The following SMYD1 variants were observed in gnomAD, a reference collection of about 807,000 sequenced individuals.
SMYD1 encodes SET and MYND domain containing 1.
A neutral mutation model predicts 54.0 loss-of-function variants in SMYD1; 49 were observed. The ratio of observed to expected loss-of-function variants is 0.91; its 90% CI spans 0.72 to 1.15. SMYD1 has a LOEUF of 1.15. SMYD1 is among the 50% of genes most tolerant of loss of function. The pLI is 0.00. For missense variants in SMYD1, 653 were observed against 639.6 expected (o/e 1.02, Z -0.23); for synonymous variants, 269 against 234.2 (o/e 1.15, Z -1.36).
In SMYD1 at chr2:88,088,088, C is replaced by T. The variant is rs375712800; in HGVS notation, c.528+13C>T. On this transcript the variant is annotated intron_variant, in intron 3 of 9. Transcript: ENST00000419482. ...CATCTTCGGAGTGGTAGGCCCCCTGCGTCCCTTCTCCATCCTCCCTGTCTG... is the reference window on the plus strand; with the variant it reads ...CATCTTCGGAGTGGTAGGCCCCCTGTGTCCCTTCTCCATCCTCCCTGTCTG... 8.7e-6 allele frequency: 14 copies of T among 1,600,096 alleles called. No individual in the cohort carries two copies. Among genetic ancestry groups the T allele is most frequent in the African/African-American group, 2.7e-5 (2 of 74,718 alleles).
intron 2 of SMYD1, among the ~76,000 whole-genome samples, chr2:88,087,135 T>TTACTTCAC (rs949429817): frequency 5.3e-5 from 8 of 150,744 alleles, no homozygotes; most frequent in Non-Finnish European, 8.9e-5. Context: ...CAGACACCTA[T>TTACTTCAC]TACTTCACTT....
At chr2:88,090,761 T>C (rs1184271097) in intron 3 of SMYD1, among the ~76,000 whole-genome samples, 1 of 152,214 alleles carries the variant, frequency 6.6e-6, no homozygotes, top group Non-Finnish European at 1.5e-5. Context: ...TTTGACTCTT[T>C]TAGAATAGAG....
chr2:88,096,792 C>A lies in SMYD1; in HGVS notation c.888+8C>A. ...GTGAAAGACAACCCCAAGGTACACA[C>A]AGCCCTGCTGCTGAGGTGTTTGTGT... is the stretch of plus-strand genomic sequence containing the variant. On this transcript the variant is annotated splice_region_variant and intron_variant, in intron 6 of 9. Coordinates refer to ENST00000419482, the MANE Select transcript of SMYD1 (RefSeq NM_198274.4). 1.2e-6 allele frequency: 2 copies of A among 1,610,054 alleles called. No homozygotes were observed. Among genetic ancestry groups the A allele is most frequent in the Non-Finnish European group, 1.7e-6 (2 of 1,178,132 alleles).
chr2:88,097,828 C>CACCCATGTGCAT (rs1380916076), intron 6 of SMYD1, among the ~76,000 whole-genome samples: 1 of 152,006 alleles, frequency 6.6e-6, no homozygotes, highest in Non-Finnish European at 1.5e-5. Flanking sequence ...CACACATGCA[C>CACCCATGTGCAT]ACCCATGTGC....
chr2:88,068,410 C>T (rs75721324), intron 1 of SMYD1, among the ~76,000 whole-genome samples: 7,166 of 152,118 alleles, frequency 0.047, 251 homozygotes, highest in Non-Finnish European at 0.068. Context: ...AAATTATGAA[C>T]TATTTGTATA....
chr2:88,091,153 C>T lies in SMYD1; in HGVS notation c.659+11C>T, dbSNP rs749063112. 5 of 1,612,766 alleles carry T rather than the reference C, an allele frequency of 3.1e-6. No homozygotes were observed. Among genetic ancestry groups the T allele is most frequent in the Admixed American group, 1.7e-5 (1 of 59,934 alleles). ...ATTTAACAATGGCAAGTGAGTATGT[C>T]TTTATGTGGGGGTGTGTGTGAAGGG... On this transcript the variant is annotated intron_variant, in intron 4 of 9. Coordinates refer to ENST00000419482, the MANE Select transcript of SMYD1 (RefSeq NM_198274.4).
chr2:88,095,679 G>A (rs1384671215), intron 5 of SMYD1, among the ~76,000 whole-genome samples: 1 of 152,184 alleles, frequency 6.6e-6, no homozygotes, highest in Non-Finnish European at 1.5e-5. Flanking sequence ...CAGGATTCTG[G>A]GGAGATACAG....
At chr2:88,105,374 T>TACACACACACACACAC (rs368510507) in intron 7 of SMYD1, among the ~76,000 whole-genome samples, 18 of 146,740 alleles carry the variant, frequency 1.2e-4, no homozygotes, top group African/African-American at 4.6e-4. Context: ...TGCGCATGCA[T>TACACACACACACACAC]ATATACACAC....
At chr2:88,080,961 G>A (rs1674175921) in intron 1 of SMYD1, among the ~76,000 whole-genome samples, 1 of 150,566 alleles carries the variant, frequency 6.6e-6, no homozygotes, top group Admixed American at 6.6e-5. Flanking sequence ...GGAGTGCAGT[G>A]GTACAATCTT....
intron 1 of SMYD1, among the ~76,000 whole-genome samples, chr2:88,071,647 A>G (rs959984947): frequency 4.6e-5 from 7 of 152,162 alleles, no homozygotes; most frequent in Non-Finnish European, 8.8e-5. Context: ...ATCAATGAGA[A>G]CTAGCATTTA....
Position 88,108,381 on chromosome 2 carries a change from C to T in SMYD1, c.1156C>T (p.His386Tyr). The change falls in exon 9 of 10, where the codon CAC becomes TAC. Residue 386 changes from histidine to tyrosine, a missense_variant. By Grantham distance (83) the His-to-Tyr change is moderately conservative (BLOSUM62 2). Coordinates refer to ENST00000419482, the MANE Select transcript of SMYD1 (RefSeq NM_198274.4). ...GCTATGCTCCCACAGGAAGCTCTAC[C>T]ACCCCAACAATGCCCAACTGGGCAT... ...RMVDGYMKLY[H>Y]PNNAQLGMAV... The T allele has an allele frequency of 1.3e-6, 2 of 1,589,312 alleles. No individual in the cohort carries two copies. The highest frequency in any genetic ancestry group is 1.4e-5 in the African/African-American group (1 of 73,838).
intron 6 of SMYD1, among the ~76,000 whole-genome samples, chr2:88,098,810 C>G (rs1674659353): frequency 6.6e-6 from 1 of 152,132 alleles, no homozygotes; most frequent in Non-Finnish European, 1.5e-5. Context: ...TCTACAATGT[C>G]ATCACAATCA....
chr2:88,090,957 G>A, intron 3 of SMYD1, 55 bp from the exon 4 acceptor site: 2 of 1,561,562 alleles, frequency 1.3e-6, no homozygotes, highest in South Asian at 2.4e-5. Flanking sequence ...CAACAGCTAG[G>A]ATGTTGTTCT....
At chr2:88,096,478 C>T in intron 5 of SMYD1, 117 bp from the exon 6 acceptor site, 1 of 888,598 alleles carries the variant, frequency 1.1e-6, no homozygotes, top group Non-Finnish European at 1.8e-6. Flanking sequence ...ATGGGAGTTT[C>T]TGAGTGTCAG....
intron 1 of SMYD1, among the ~76,000 whole-genome samples, chr2:88,072,116 G>A (rs1158664438): frequency 1.3e-5 from 2 of 152,034 alleles, no homozygotes; most frequent in African/African-American, 4.8e-5. Context: ...TATAGGTGGG[G>A]TGGGGGTCCT....
intron 7 of SMYD1, among the ~76,000 whole-genome samples, chr2:88,105,386 C>T (rs1224006720): frequency 6.6e-6 from 1 of 152,032 alleles, no homozygotes; most frequent in Non-Finnish European, 1.5e-5. Context: ...TATACACACA[C>T]ACACACACAC....
At chr2:88,076,484 A>G (rs1019414528) in intron 1 of SMYD1, among the ~76,000 whole-genome samples, 1 of 152,084 alleles carries the variant, frequency 6.6e-6, no homozygotes, top group Non-Finnish European at 1.5e-5. Context: ...CGGCCTCCCA[A>G]AGTGCTGGGA....
intron 3 of SMYD1, among the ~76,000 whole-genome samples, chr2:88,089,583 C>CTG (rs1558852287): frequency 8.7e-6 from 1 of 114,992 alleles, no homozygotes; most frequent in Non-Finnish European, 1.8e-5. Context: ...GAGCTTCTAC[C>CTG]TGTTTTTTTT....
At chr2:88,104,021 C>T (rs369379324) in intron 7 of SMYD1, among the ~76,000 whole-genome samples, 1 of 149,896 alleles carries the variant, frequency 6.7e-6, no homozygotes, top group Non-Finnish European at 1.5e-5. Flanking sequence ...GGCTGGAGTG[C>T]AGTGGCACGA....
Sources: allele counts gnomAD v4.1 joint callset (sites outside exome capture counted in the v4.1 genomes callset), GRCh38; gene constraint gnomAD v4.1.1; transcripts MANE v1.5; gene names NCBI Gene and HGNC (gene_info 2026-07-23, HGNC 2026-07-21).